Variants in RERE observed in about 807,000 individuals in gnomAD.
RERE encodes the protein arginine-glutamic acid dipeptide repeats protein.
Under a neutral mutation model 146.1 loss-of-function variants are expected in RERE, and 40 were observed. The observed-to-expected ratio is 0.27, with a 90% CI of 0.21 to 0.36. The LOEUF (loss-of-function observed/expected upper bound fraction) is 0.36, where lower values mean the gene tolerates loss of function less well. RERE is among the 10% of genes least tolerant of loss of function. The probability of loss-of-function intolerance (pLI) is 1.00; values close to 1 mark genes in which losing one functional copy is unlikely to be tolerated. For synonymous variants in RERE, 1,003 were observed against 866.0 expected (o/e 1.16, Z -2.78); for missense variants, 1,933 against 2,138.7 (o/e 0.90, Z 1.90).
At chr1:8,772,949 T>C (rs1640982551) in intron 1 of RERE, among the ~76,000 whole-genome samples, 1 of 152,094 alleles carries the variant, frequency 6.6e-6, no homozygotes, top group South Asian at 2.1e-4. Flanking sequence ...TAGCCAGGCT[T>C]GGTGGCACAT....
rs756256720 is a variant in RERE at position 8,364,102 on chromosome 1, C to G, written c.1694G>C (p.Gly565Ala). The G allele has an allele frequency of 1.1e-5, 18 of 1,614,216 alleles. No individual in the cohort carries two copies. The South Asian group carries it at 1.9e-4, about 17-fold the overall frequency. ...CCTCATGCTATGCTTCCCACTGAGC[C>G]CATCATCCTCTTCCTTGACGGGTTT... ...MFKPVKEEDDGLSGKHSMRTR... is the reference protein window; with the variant it reads ...MFKPVKEEDDALSGKHSMRTR... Residue 565 changes from glycine (G) to alanine (A), a missense_variant, in exon 15 of 23, where the codon GGG (glycine) becomes GCG (alanine). By Grantham distance (60) the Gly-to-Ala change is moderately conservative. Transcript: ENST00000400908. This position sits in a 1 kb window ranked among gnomAD's most constrained non-coding sequence, Gnocchi z 5.1.
In RERE at chr1:8,361,506, G is replaced by A. The variant is rs1448845305; in HGVS notation, c.2017-16C>T. On this transcript the variant is annotated splice_polypyrimidine_tract_variant and intron_variant, in intron 17 of 22. Coordinates refer to ENST00000400908, the MANE Select transcript of RERE (RefSeq NM_001042681.2). The stretch of plus-strand genomic sequence containing the variant: ...TGCTGATCTCCTGGAGTCAGAGAAG[G>A]GAAGGATGGAAGTCCCAGGAGGGCA... 1.9e-6 allele frequency: 3 copies of A among 1,607,240 alleles called. No homozygotes were observed. The highest frequency in any genetic ancestry group is 2.2e-5 in the East Asian group (1 of 44,884).
At chr1:8,489,355 A>C (rs1195472882) in intron 10 of RERE, among the ~76,000 whole-genome samples, 1 of 148,900 alleles carries the variant, frequency 6.7e-6, no homozygotes, top group African/African-American at 2.5e-5. Context: ...GTGAGACTTA[A>C]AAAAAAAAAG....
intron 12 of RERE, among the ~76,000 whole-genome samples, chr1:8,392,332 G>C (rs577752045): frequency 2.3e-4 from 35 of 152,200 alleles, no homozygotes; most frequent in South Asian, 1.0e-3. Flanking sequence ...AAAAAAAGGT[G>C]AATCTAACAA....
intron 10 of RERE, among the ~76,000 whole-genome samples, chr1:8,470,813 CTTTTTTTT>C (rs71580028): frequency 1.9e-4 from 14 of 74,554 alleles, no homozygotes; most frequent in East Asian, 4.5e-4. Flanking sequence ...AAAGAAATAC[CTTTTTTTT>C]TTTTTTTTTT....
At chr1:8,552,399 C>T (rs1370564180) in intron 6 of RERE, among the ~76,000 whole-genome samples, 1 of 152,204 alleles carries the variant, frequency 6.6e-6, no homozygotes, top group East Asian at 1.9e-4. Flanking sequence ...TAAGCACTAA[C>T]ATGATCAGTC....
At chr1:8,452,879 T>C (rs1644404756) in intron 11 of RERE, among the ~76,000 whole-genome samples, 1 of 152,138 alleles carries the variant, frequency 6.6e-6, no homozygotes, top group African/African-American at 2.4e-5. Context: ...CTCAGTAGAG[T>C]GCACCCGTAC....
intron 12 of RERE, among the ~76,000 whole-genome samples, chr1:8,393,340 C>T (rs976675792): frequency 2.6e-5 from 4 of 152,130 alleles, no homozygotes; most frequent in African/African-American, 4.8e-5. Flanking sequence ...TCCTATTTAG[C>T]GTGGCCTGTG....
intron 1 of RERE, among the ~76,000 whole-genome samples, chr1:8,707,946 G>A (rs754076351): frequency 6.6e-6 from 1 of 151,148 alleles, no homozygotes; most frequent in Non-Finnish European, 1.5e-5. Context: ...TCATTACAAT[G>A]TATTGTTATA....
intron 1 of RERE, among the ~76,000 whole-genome samples, chr1:8,680,187 C>G (rs1638932049): frequency 6.6e-6 from 1 of 151,914 alleles, no homozygotes; most frequent in Non-Finnish European, 1.5e-5. Flanking sequence ...AAAACCTGTT[C>G]AGTGATTATC....
chr1:8,603,472 T>C (rs1236942240), intron 4 of RERE, among the ~76,000 whole-genome samples: 3 of 152,226 alleles, frequency 2.0e-5, no homozygotes, highest in Admixed American at 6.5e-5. Flanking sequence ...CAGTAACAGT[T>C]ACATCACAAG....
At chr1:8,594,489 C>T (rs772074559) in intron 4 of RERE, among the ~76,000 whole-genome samples, 1 of 152,060 alleles carries the variant, frequency 6.6e-6, no homozygotes, top group African/African-American at 2.4e-5. Context: ...ACAGTGGTAA[C>T]AAAGCATCTG....
intron 1 of RERE, among the ~76,000 whole-genome samples, chr1:8,692,509 G>A (rs1278637863): frequency 1.3e-5 from 2 of 151,784 alleles, no homozygotes; most frequent in East Asian, 1.9e-4. Context: ...ACCACATCTG[G>A]CTAATATTTT....
chr1:8,409,466 C>CAGGGGG, intron 12 of RERE, among the ~76,000 whole-genome samples: 1 of 152,166 alleles, frequency 6.6e-6, no homozygotes, highest in East Asian at 1.9e-4. Context: ...GGAATAGAAG[C>CAGGGGG]AGGGGGAAGG....
chr1:8,563,829 G>C (rs1646106587), intron 4 of RERE, among the ~76,000 whole-genome samples: 1 of 152,206 alleles, frequency 6.6e-6, no homozygotes, highest in African/African-American at 2.4e-5. Flanking sequence ...ACTTTCTGAA[G>C]AAACTTTTCA....
intron 1 of RERE, among the ~76,000 whole-genome samples, chr1:8,700,543 C>G (rs2124437744): frequency 6.6e-6 from 1 of 152,270 alleles, no homozygotes; most frequent in Admixed American, 6.5e-5. Flanking sequence ...TGCCCCTGAG[C>G]AGACACGTCT....
At chr1:8,502,458 G>C (rs1177297690) in intron 8 of RERE, among the ~76,000 whole-genome samples, 1 of 124,466 alleles carries the variant, frequency 8.0e-6, no homozygotes, top group Non-Finnish European at 1.7e-5. Context: ...CGTCCGGGAG[G>C]GTGGTGGGGG....
chr1:8,678,571 G>C (rs1046273748), intron 1 of RERE, among the ~76,000 whole-genome samples: 2 of 151,976 alleles, frequency 1.3e-5, no homozygotes, highest in Non-Finnish European at 2.9e-5. Flanking sequence ...ATCAGGAACC[G>C]AATCGATTGA....
At chr1:8,801,347 G>A (rs963635721) in intron 1 of RERE, among the ~76,000 whole-genome samples, 3 of 151,844 alleles carry the variant, frequency 2.0e-5, no homozygotes, top group Non-Finnish European at 4.4e-5. Context: ...TCGGATCACC[G>A]GAACCTCCAC....
Sources: allele counts gnomAD v4.1 joint callset (sites outside exome capture counted in the v4.1 genomes callset), GRCh38; gene constraint gnomAD v4.1.1; non-coding constraint Gnocchi (gnomAD v3.1); transcripts MANE v1.5; gene names NCBI Gene and HGNC (gene_info 2026-07-23, HGNC 2026-07-21).